The following AOC2 variants were observed in gnomAD, a reference collection of about 807,000 sequenced individuals.
The protein encoded by AOC2 is amine oxidase [copper-containing] 2.
A neutral mutation model predicts 53.8 loss-of-function variants in AOC2; 57 were observed. The ratio of observed to expected loss-of-function variants is 1.06; its 90% CI spans 0.86 to 1.32. The LOEUF (loss-of-function observed/expected upper bound fraction) is 1.32, where lower values mean the gene tolerates loss of function less well. AOC2 is among the 40% of genes most tolerant of loss of function. The pLI is 0.00. For synonymous variants in AOC2, 404 were observed against 399.0 expected, an observed-to-expected ratio of 1.01 and a Z score of -0.15; for missense variants, 1,008 against 957.2, an observed-to-expected ratio of 1.05 and a Z score of -0.70.
At chr17:42,848,753 G>A (rs1255129658) in intron 1 of AOC2, among the ~76,000 whole-genome samples, 1 of 151,574 alleles carries the variant, frequency 6.6e-6, no homozygotes, top group Non-Finnish European at 1.5e-5. Context: ...GTTTCACCAC[G>A]TTGCACAGGC....
chr17:42,849,223 G>C lies in AOC2; in HGVS notation c.1726G>C (p.Gly576Arg), dbSNP rs780731878. 1 of 1,614,134 alleles carries C rather than the reference G, an allele frequency of 6.2e-7. No homozygotes were observed. The highest frequency in any genetic ancestry group is 1.1e-5 in the South Asian group (1 of 91,080). Residue 576 changes from glycine (G) to arginine (R), a missense_variant, in exon 2 of 4, where the codon GGA becomes CGA. Coordinates refer to ENST00000253799, the MANE Select transcript of AOC2 (RefSeq NM_009590.4). The stretch of plus-strand genomic sequence containing the variant: ...GGAGGACCTGACAGCTTTTTCCTTG[G>C]GAAGCCCCCTACCCCGCTACCTCTA... ...GKEDLTAFSL[G>R]SPLPRYLYLA...
At position 42,849,151 on chromosome 17, in the gene AOC2, G is replaced by T. The variant is rs762194499; in HGVS notation, c.1654G>T (p.Glu552Ter). The T allele has an allele frequency of 1.9e-6, 3 of 1,614,152 alleles. No homozygotes were observed. The South Asian group carries it at 3.3e-5, about 18-fold the overall frequency. ...ACCTGTGGCTGCCCCCTGGAACCCG[G>T]AGCACTGGCTACAGCGCCCACAGCT... ...FKPVAAPWNP[E>*]HWLQRPQLTR... Residue 552 changes from glutamate (E) to a stop codon, truncating the protein, a stop_gained, in exon 2 of 4, where the codon GAG (glutamate) becomes TAG (stop). Coordinates refer to ENST00000253799, the MANE Select transcript of AOC2 (RefSeq NM_009590.4). LOFTEE classifies it high-confidence loss of function.
chr17:42,850,042 C>A, intron 3 of AOC2, 40 bp from the exon 4 acceptor site: 1 of 1,591,790 alleles, frequency 6.3e-7, no homozygotes. Flanking sequence ...TTCTTTGGGT[C>A]ACGCTTCCAT....
Position 42,850,457 on chromosome 17 carries a change from A to T in AOC2, c.*109A>T. On this transcript the variant is annotated 3_prime_UTR_variant, in exon 4 of 4. Coordinates refer to ENST00000253799, the MANE Select transcript of AOC2 (RefSeq NM_009590.4). ...CTGCTCCCCAGATTCCCACCCCCTC[A>T]ATGTTCCTCTCACACGAAACCCCCA... 1 of 1,351,780 alleles carries T rather than the reference A, an allele frequency of 7.4e-7. No individual in the cohort carries two copies. The highest frequency in any genetic ancestry group is 9.9e-7 in the Non-Finnish European group (1 of 1,009,646). 83.7% of individuals were successfully genotyped at this position (1,351,780 alleles called of 1,614,324 possible). A position where few individuals can be genotyped will look rare whatever the true frequency, so the allele number is the denominator to read the frequency against.
chr17:42,849,169 C>T lies in AOC2; in HGVS notation c.1672C>T (p.Pro558Ser). 2 of 1,614,230 alleles carry T rather than the reference C, an allele frequency of 1.2e-6. No homozygotes were observed. Among genetic ancestry groups the T allele is most frequent in the East Asian group, 2.2e-5 (1 of 44,882 alleles). ...GAACCCGGAGCACTGGCTACAGCGCCCACAGCTGACTCGGCAGGTCCTGGG... is the reference window on the plus strand; with the variant it reads ...GAACCCGGAGCACTGGCTACAGCGCTCACAGCTGACTCGGCAGGTCCTGGG... Reference protein sequence around the residue: ...PWNPEHWLQRPQLTRQVLGKE... With the variant: ...PWNPEHWLQRSQLTRQVLGKE... The change falls in exon 2 of 4, where the codon CCA (proline) becomes TCA (serine). Residue 558 changes from proline to serine, a missense_variant. Physicochemically the swap from Pro to Ser is moderately conservative, Grantham distance 74 (BLOSUM62 -1). Transcript: ENST00000253799.
Position 42,850,334 on chromosome 17 carries a change from T to C in AOC2, c.2257T>C (p.Tyr753His), listed in dbSNP as rs150190092. Residue 753 changes from tyrosine to histidine, a missense_variant, in exon 4 of 4, where the codon TAC (tyrosine) becomes CAC (histidine). Transcript: ENST00000253799. ...ACVPDLPPFS[Y>H]HGF ...TGTCCCGGACTTACCCCCTTTCTCT[T>C]ACCACGGCTTCTAGTCCTGAGGGTG... is the stretch of plus-strand genomic sequence containing the variant. 6.9e-6 allele frequency: 11 copies of C among 1,599,328 alleles called. No individual in the cohort carries two copies. The African/African-American group carries it at 1.5e-4, about 21-fold the overall frequency.
In AOC2 at chr17:42,848,546, C is replaced by CATATATATATATATATATATATACAT. The variant is rs200422278; in HGVS notation, c.1589-520_1589-519insATACATATATATATATATATATATAT. ...CTGAATATATATATATATATATATA[C>CATATATATATATATATATATATACAT]ATATATATATATATATATATTTTAG... On this transcript the variant is annotated intron_variant, in intron 1 of 3. Coordinates refer to ENST00000253799, the MANE Select transcript of AOC2 (RefSeq NM_009590.4). Among the ~76,000 whole-genome samples, 318 of 117,558 alleles carry CATATATATATATATATATATATACAT rather than the reference C, an allele frequency of 2.7e-3. 4 individuals are homozygous for CATATATATATATATATATATATACAT. The highest frequency in any genetic ancestry group is 0.012 in the African/African-American group (300 of 25,728). 77.1% of individuals were successfully genotyped at this position (117,558 alleles called of 152,430 possible).
chr17:42,847,643 C>G (rs2055609157), intron 1 of AOC2, among the ~76,000 whole-genome samples: 1 of 152,112 alleles, frequency 6.6e-6, no homozygotes, highest in Admixed American at 6.6e-5. Context: ...TTTTTTGAGG[C>G]AGTGTCTCAC....
intron 1 of AOC2, among the ~76,000 whole-genome samples, chr17:42,847,840 G>A (rs2055610831): frequency 6.6e-6 from 1 of 151,598 alleles, no homozygotes. Context: ...GAGCACGGTG[G>A]TGCAATCTCA....
At position 42,845,786 on chromosome 17, in the gene AOC2, G is replaced by A. The variant is rs754555311; in HGVS notation, c.1160G>A (p.Arg387His). ...RYLDSSFGLG[R>H]NSRGLVRGVD... ...TTGGATAGCAGCTTTGGACTCGGCC[G>A]TAACAGCCGAGGCTTGGTGCGGGGA... Residue 387 changes from arginine to histidine, a missense_variant, in exon 1 of 4, where the codon CGT (arginine) becomes CAT (histidine). By Grantham distance (29) the Arg-to-His change is conservative. Coordinates refer to ENST00000253799, the MANE Select transcript of AOC2 (RefSeq NM_009590.4). 1.1e-5 allele frequency: 17 copies of A among 1,614,072 alleles called. No individual in the cohort carries two copies. Among genetic ancestry groups the A allele is most frequent in the East Asian group, 6.7e-5 (3 of 44,892 alleles).
In AOC2 at chr17:42,845,421, T is replaced by C; in HGVS notation, c.795T>C (p.Tyr265=). The part of the protein sequence containing the change: ...VQQVFYLGHY[Y]ADLGQLEREF... Reference sequence around the variant, plus strand: ...AGGTCTTCTACCTTGGGCACTACTATGCAGACTTGGGCCAGTTGGAACGGG... The same window carrying C: ...AGGTCTTCTACCTTGGGCACTACTACGCAGACTTGGGCCAGTTGGAACGGG... Residue 265 remains tyrosine (Y), a synonymous_variant, in exon 1 of 4, where the codon TAT becomes TAC. Transcript: ENST00000253799. 6.2e-7 allele frequency: 1 copy of C among 1,614,176 alleles called. No homozygotes were observed. Among genetic ancestry groups the C allele is most frequent in the Non-Finnish European group, 8.5e-7 (1 of 1,180,028 alleles).
intron 3 of AOC2, 75 bp from the exon 4 acceptor site, chr17:42,850,007 G>A (rs1414617809): frequency 1.3e-6 from 2 of 1,553,656 alleles, no homozygotes; most frequent in African/African-American, 2.7e-5. Flanking sequence ...TGAGACTGGA[G>A]GCTGGGATTG....
intron 2 of AOC2, 105 bp downstream of exon 2, chr17:42,849,476 C>T (rs578005147): frequency 6.3e-7 from 1 of 1,578,638 alleles, no homozygotes; most frequent in Admixed American, 1.7e-5. Context: ...CCCTGTACCT[C>T]CCCTCAAACC....
chr17:42,849,723 TAGGAG>T lies in AOC2; in HGVS notation c.2001_2004+1del, dbSNP rs764218026. On this transcript the variant is annotated frameshift_variant and splice_region_variant, in exon 3 of 4. Coordinates refer to ENST00000253799, the MANE Select transcript of AOC2 (RefSeq NM_009590.4). LOFTEE classifies it high-confidence loss of function. ...GACTTCATCAACAATGAAACCCTCT[TAGGAG>T]AGGTTGGTTGCCCTAGGGACATAGG... The T allele has an allele frequency of 6.2e-6, 10 of 1,614,028 alleles. No individual in the cohort carries two copies. In the African/African-American group the frequency reaches 1.1e-4, roughly 17 times the overall value.
intron 1 of AOC2, among the ~76,000 whole-genome samples, chr17:42,846,766 G>GGCAGGC (rs756780180): frequency 1.5e-3 from 230 of 152,300 alleles, no homozygotes; most frequent in Middle Eastern, 3.4e-3. Flanking sequence ...CATCACAGTT[G>GGCAGGC]ACTCATGGCA....
At position 42,849,643 on chromosome 17, in the gene AOC2, G is replaced by A; in HGVS notation, c.1917G>A (p.Gln639=). The change falls in exon 3 of 4, where the codon CAG becomes CAA. Residue 639 remains glutamine, a synonymous_variant. Transcript: ENST00000253799. ...CCCAGAGAAAGGAGGAGGAGTCACAGAGCAGTAGCATCTATCACCAGAATG... is the reference window on the plus strand; with the variant it reads ...CCCAGAGAAAGGAGGAGGAGTCACAAAGCAGTAGCATCTATCACCAGAATG... The part of the protein sequence containing the change: ...VVTQRKEEES[Q]SSSIYHQNDI... 1 of 1,614,226 alleles carries A rather than the reference G, an allele frequency of 6.2e-7. No homozygotes were observed. The highest frequency in any genetic ancestry group is 8.5e-7 in the Non-Finnish European group (1 of 1,180,044).
rs376020190 is a variant in AOC2, at chr17:42,845,476, A to G, written c.850A>G (p.Arg284Gly). Residue 284 changes from arginine (R) to glycine (G), a missense_variant, in exon 1 of 4, where the codon AGA (arginine) becomes GGA (glycine). Physicochemically the swap from Arg to Gly is moderately radical, Grantham distance 125. Transcript: ENST00000253799. Reference protein sequence around the residue: ...EFKSGRLEVVRVPLPPPNGAS... With the variant: ...EFKSGRLEVVGVPLPPPNGAS... ...TAAGTCTGGCCGGTTGGAAGTGGTT[A>G]GAGTCCCTCTACCTCCACCAAATGG... 4.3e-6 allele frequency: 7 copies of G among 1,614,148 alleles called. No individual in the cohort carries two copies. The highest frequency in any genetic ancestry group is 1.3e-5 in the African/African-American group (1 of 75,026).
chr17:42,848,363 G>A (rs1159059999), intron 1 of AOC2, among the ~76,000 whole-genome samples: 2 of 151,526 alleles, frequency 1.3e-5, no homozygotes, highest in Admixed American at 6.6e-5. Flanking sequence ...AAGTGAATCA[G>A]AGAAGCAAAT....
At chr17:42,848,939 C>A in intron 1 of AOC2, 147 bp from the exon 2 acceptor site, 2 of 879,900 alleles carry the variant, frequency 2.3e-6, no homozygotes, top group Admixed American at 3.0e-5. Flanking sequence ...TGCTCTTGCC[C>A]AGACCTCCTG....
Sources: gnomAD v4.1 joint callset for allele counts (sites outside exome capture counted in the v4.1 genomes callset) on GRCh38, gnomAD v4.1.1 for gene constraint, MANE v1.5 for transcripts, NCBI Gene and HGNC (gene_info 2026-07-23, HGNC 2026-07-21) for gene names.